The following ERP44 variants were observed in gnomAD, a reference collection of about 807,000 sequenced individuals.
The protein encoded by ERP44 is endoplasmic reticulum protein 44.
Under a neutral mutation model 53.4 loss-of-function variants are expected in ERP44, and 25 were observed. The observed-to-expected ratio is 0.47, with a 90% confidence interval of 0.34 to 0.65. The LOEUF is 0.65. ERP44 is among the 30% of genes least tolerant of loss of function. The pLI is 0.01. For missense variants in ERP44, 338 were observed against 493.2 expected (o/e 0.69, Z 2.98); for synonymous variants, 145 against 161.2 (o/e 0.90, Z 0.76).
chr9:100,052,651 A>G (rs1826050965), intron 3 of ERP44, 119 bp from the exon 4 acceptor site: 1 of 516,370 alleles, frequency 1.9e-6, no homozygotes, highest in Non-Finnish European at 3.4e-6. Context: ...AGATAATCAC[A>G]CACTTAATTT....
chr9:100,066,631 T>C (rs1458533643), intron 1 of ERP44, among the ~76,000 whole-genome samples: 1 of 152,204 alleles, frequency 6.6e-6, no homozygotes, highest in Non-Finnish European at 1.5e-5. Context: ...ATTTCTAATC[T>C]AGATTGACAA....
At chr9:99,986,391 A>G (rs1378165273) in intron 10 of ERP44, among the ~76,000 whole-genome samples, 1 of 152,122 alleles carries the variant, frequency 6.6e-6, no homozygotes, top group Non-Finnish European at 1.5e-5. Flanking sequence ...GCTCATACGA[A>G]TTGTCTGCCT....
Position 100,098,944 on chromosome 9 carries a change from A to C in ERP44, c.-104T>G. On this transcript the variant is annotated 5_prime_UTR_variant, in exon 1 of 12. Coordinates refer to ENST00000262455, the MANE Select transcript of ERP44 (RefSeq NM_015051.3). ...GGGCTCCGGGAGCCGACGGCAGCGG[A>C]GGATTCTCCAGGCAGCGGCACCTCG... 3.5e-6 allele frequency: 3 copies of C among 855,326 alleles called. No individual in the cohort carries two copies. The highest frequency in any genetic ancestry group is 5.7e-6 in the Non-Finnish European group (3 of 524,844). 53.0% of individuals were successfully genotyped at this position (855,326 alleles called of 1,614,324 possible). A position where few individuals can be genotyped will look rare whatever the true frequency, so the allele number is the denominator to read the frequency against.
At chr9:99,992,972 C>T (rs895067554) in intron 10 of ERP44, among the ~76,000 whole-genome samples, 2 of 152,170 alleles carry the variant, frequency 1.3e-5, no homozygotes, top group African/African-American at 4.8e-5. Context: ...TGAAGGACCT[C>T]TTCAAGGAGA....
chr9:100,071,096 T>TTTG (rs1423902804), intron 1 of ERP44, among the ~76,000 whole-genome samples: 2 of 148,162 alleles, frequency 1.3e-5, no homozygotes, highest in Non-Finnish European at 1.5e-5. Flanking sequence ...ATATAAGGTT[T>TTTG]TTTTTTTTTT....
chr9:100,048,362 G>T (rs1220369265), intron 4 of ERP44, among the ~76,000 whole-genome samples: 1 of 152,110 alleles, frequency 6.6e-6, no homozygotes, highest in South Asian at 2.1e-4. Context: ...ACAACAAAGA[G>T]AAAATAAGAG....
intron 4 of ERP44, among the ~76,000 whole-genome samples, chr9:100,043,550 T>C (rs1335299737): frequency 6.6e-6 from 1 of 151,570 alleles, no homozygotes; most frequent in Non-Finnish European, 1.5e-5. Flanking sequence ...AGGTCAGGAG[T>C]TCGAGACCAG....
chr9:99,987,450 T>C (rs1830206477), intron 10 of ERP44, among the ~76,000 whole-genome samples: 1 of 152,236 alleles, frequency 6.6e-6, no homozygotes, highest in African/African-American at 2.4e-5. Context: ...CAATTCTTTA[T>C]TTTTAGGTGA....
intron 10 of ERP44, among the ~76,000 whole-genome samples, chr9:99,999,509 G>A (rs1048090305): frequency 1.3e-5 from 2 of 152,052 alleles, no homozygotes; most frequent in Non-Finnish European, 2.9e-5. Flanking sequence ...TTATTCAGAT[G>A]CCTTACCCAT....
chr9:99,979,373 A>G lies in ERP44; in HGVS notation c.*3239T>C, dbSNP rs1358438965. The G allele has an allele frequency of 1.3e-5, 2 of 150,570 alleles. No individual in the cohort carries two copies. Among genetic ancestry groups the G allele is most frequent in the Admixed American group, 6.6e-5 (1 of 15,128 alleles). The allele number at this position is 150,570 out of a possible 1,614,324, so 9.3% of individuals were successfully genotyped here. ...CAACCTTAGCATTTTCTATAAATTT[A>G]AGCTTATTGTGAGCTTGAACATTTC... On this transcript the variant is annotated 3_prime_UTR_variant, in exon 12 of 12. Coordinates refer to ENST00000262455, the MANE Select transcript of ERP44 (RefSeq NM_015051.3).
chr9:99,995,935 T>A (rs981909222), intron 10 of ERP44, among the ~76,000 whole-genome samples: 5 of 150,970 alleles, frequency 3.3e-5, no homozygotes, highest in Non-Finnish European at 5.9e-5. Context: ...TTTTTTTTTT[T>A]TTTTTTATTT....
chr9:100,066,871 G>A (rs1233726469), intron 1 of ERP44, among the ~76,000 whole-genome samples: 2 of 152,176 alleles, frequency 1.3e-5, no homozygotes, highest in East Asian at 3.9e-4. Flanking sequence ...TTGAAGTTGG[G>A]TATCAATCAA....
intron 10 of ERP44, among the ~76,000 whole-genome samples, chr9:100,003,432 T>C (rs1830398523): frequency 6.6e-6 from 1 of 152,244 alleles, no homozygotes; most frequent in South Asian, 2.1e-4. Flanking sequence ...ATTCTAGTCT[T>C]TGACTGGCTT....
intron 4 of ERP44, among the ~76,000 whole-genome samples, chr9:100,038,638 T>G (rs1326337167): frequency 1.3e-5 from 2 of 152,078 alleles, no homozygotes; most frequent in African/African-American, 2.4e-5. Flanking sequence ...GGCGTATGCC[T>G]TTACTTATCA....
At chr9:100,000,190 G>A (rs551183626) in intron 10 of ERP44, among the ~76,000 whole-genome samples, 1 of 152,122 alleles carries the variant, frequency 6.6e-6, no homozygotes, top group Admixed American at 6.5e-5. Flanking sequence ...CAGTGCTTTG[G>A]AAGGCCGTAA....
At chr9:100,029,743 CAA>C (rs1323719661) in intron 4 of ERP44, among the ~76,000 whole-genome samples, 143 of 152,236 alleles carry the variant, frequency 9.4e-4, no homozygotes, top group African/African-American at 3.4e-3. Context: ...GCACTATTTA[CAA>C]TAGTCAAAAT....
chr9:99,999,086 C>T (rs974595954), intron 10 of ERP44: 21 of 694,136 alleles, frequency 3.0e-5, no homozygotes, highest in East Asian at 1.6e-4. Context: ...AGCGCACGGC[C>T]GTTCCCACAG....
At chr9:100,085,299 TTTTC>T (rs1236985434) in intron 1 of ERP44, among the ~76,000 whole-genome samples, 1 of 152,286 alleles carries the variant, frequency 6.6e-6, no homozygotes, top group South Asian at 2.1e-4. Context: ...TATAATGAAC[TTTTC>T]TTTATCTCAA....
intron 10 of ERP44, among the ~76,000 whole-genome samples, chr9:99,995,032 C>A (rs576970834): frequency 2.0e-5 from 3 of 151,978 alleles, no homozygotes; most frequent in Non-Finnish European, 2.9e-5. Flanking sequence ...CATTTTGTAA[C>A]TTTCAACATA....
Sources: allele counts gnomAD v4.1 joint callset (sites outside exome capture counted in the v4.1 genomes callset), GRCh38; gene constraint gnomAD v4.1.1; transcripts MANE v1.5; gene names NCBI Gene and HGNC (gene_info 2026-07-23, HGNC 2026-07-21).